Variants in CRTC3 observed in about 807,000 individuals in gnomAD.
CRTC3 encodes the protein CREB regulated transcription coactivator 3.
A neutral mutation model predicts 74.5 loss-of-function variants in CRTC3; 26 were observed. The ratio of observed to expected loss-of-function variants is 0.35; its 90% CI spans 0.26 to 0.48. The LOEUF is 0.48. CRTC3 is among the 20% of genes least tolerant of loss of function. The pLI, the probability that CRTC3 is intolerant of heterozygous loss-of-function variation, is 0.99. For missense variants in CRTC3, 760 were observed against 787.3 expected (o/e 0.97, Z 0.41); for synonymous variants, 377 against 325.8 (o/e 1.16, Z -1.69).
chr15:90,641,077 A>G lies in CRTC3; in HGVS notation c.1549-20A>G. On this transcript the variant is annotated intron_variant, in intron 13 of 14. Coordinates refer to ENST00000268184, the MANE Select transcript of CRTC3 (RefSeq NM_022769.5). ...GAAACAGAGGTGTGGCCTTCCTCAC[A>G]TGACCTTCGATGCTTCCAGGTGCCT... 1.3e-6 allele frequency: 2 copies of G among 1,556,634 alleles called. No homozygotes were observed. Among genetic ancestry groups the G allele is most frequent in the Non-Finnish European group, 1.8e-6 (2 of 1,128,014 alleles).
intron 9 of CRTC3, 38 bp downstream of exon 9, chr15:90,619,828 T>C (rs1968594626): frequency 1.9e-6 from 3 of 1,547,192 alleles, no homozygotes; most frequent in African/African-American, 1.4e-5. Context: ...TCAGGGACTA[T>C]CCTGAAGGTT....
At chr15:90,589,775 T>C (rs1967756799) in intron 2 of CRTC3, among the ~76,000 whole-genome samples, 1 of 152,116 alleles carries the variant, frequency 6.6e-6, no homozygotes, top group African/African-American at 2.4e-5. Context: ...TCACTTGAGG[T>C]CAGGAGTTCA....
In CRTC3 at chr15:90,642,381, G is replaced by T; in HGVS notation, c.*241G>T. The T allele has an allele frequency of 1.8e-6, 1 of 549,304 alleles. No homozygotes were observed. Among genetic ancestry groups the T allele is most frequent in the Admixed American group, 3.1e-5 (1 of 32,160 alleles). The allele number at this position is 549,304 out of a possible 1,614,324, so 34.0% of individuals were successfully genotyped here. ...TGTTGCAGCAGGCAGGCTGCTTGGA[G>T]CTTCCCATGAACTGGAAAGCTCACC... On this transcript the variant is annotated 3_prime_UTR_variant, in exon 15 of 15. Transcript: ENST00000268184.
chr15:90,559,864 A>G (rs11635656), intron 2 of CRTC3, among the ~76,000 whole-genome samples: 102,473 of 152,122 alleles, frequency 0.67, 35,858 homozygotes, highest in Non-Finnish European at 0.77. Context: ...GTTGGTCTCG[A>G]ACTCCTGGGT....
chr15:90,642,217 C>T lies in CRTC3; in HGVS notation c.*77C>T. Reference sequence around the variant, plus strand: ...TGGAATAGAATGAAGCCAGCTGATACCACGGGCTTTCGTTATCTTGACATA... The same window carrying T: ...TGGAATAGAATGAAGCCAGCTGATATCACGGGCTTTCGTTATCTTGACATA... On this transcript the variant is annotated 3_prime_UTR_variant, in exon 15 of 15. Transcript: ENST00000268184. 7.9e-7 allele frequency: 1 copy of T among 1,271,270 alleles called. No individual in the cohort carries two copies. The highest frequency in any genetic ancestry group is 1.8e-5 in the Admixed American group (1 of 54,824). 78.7% of individuals were successfully genotyped at this position (1,271,270 alleles called of 1,614,324 possible). A position where few individuals can be genotyped will look rare whatever the true frequency, so the allele number is the denominator to read the frequency against.
chr15:90,540,325 T>G (rs981559750), intron 2 of CRTC3, among the ~76,000 whole-genome samples, 188 bp downstream of exon 2: 1 of 152,242 alleles, frequency 6.6e-6, no homozygotes, highest in Admixed American at 6.5e-5. Context: ...CACAAATGGC[T>G]GAAGGCAGCA....
intron 5 of CRTC3, chr15:90,607,010 A>G (rs1025572798): frequency 1.8e-5 from 3 of 167,434 alleles, no homozygotes; most frequent in Non-Finnish European, 3.8e-5. Context: ...AGCTACTCTC[A>G]GGTGGAGAAA....
intron 2 of CRTC3, among the ~76,000 whole-genome samples, chr15:90,550,284 C>T (rs532476441): frequency 6.6e-5 from 10 of 151,638 alleles, no homozygotes; most frequent in East Asian, 2.0e-4. Context: ...CAAAATTAGC[C>T]GGGCATGGTG....
intron 11 of CRTC3, among the ~76,000 whole-genome samples, chr15:90,631,310 G>A (rs963033713): frequency 8.5e-5 from 13 of 152,148 alleles, no homozygotes; most frequent in South Asian, 4.1e-4. Context: ...GCACGATCGC[G>A]GCTCCCTTGC....
At position 90,644,588 on chromosome 15, in the gene CRTC3, G is replaced by C. The variant is rs1329755863; in HGVS notation, c.*2448G>C. 1 of 232,564 alleles carries C rather than the reference G, an allele frequency of 4.3e-6. No homozygotes were observed. The allele number at this position is 232,564 out of a possible 1,614,324, so 14.4% of individuals were successfully genotyped here. ...GATTTATTGGGGGTGTACACTGGGGGCAATATGGTTTAGCACTGAATTCAA... is the reference window on the plus strand; with the variant it reads ...GATTTATTGGGGGTGTACACTGGGGCCAATATGGTTTAGCACTGAATTCAA... On this transcript the variant is annotated 3_prime_UTR_variant, in exon 15 of 15. Coordinates refer to ENST00000268184, the MANE Select transcript of CRTC3 (RefSeq NM_022769.5).
intron 6 of CRTC3, among the ~76,000 whole-genome samples, chr15:90,610,830 C>T (rs1968338990): frequency 6.6e-6 from 1 of 152,128 alleles, no homozygotes; most frequent in South Asian, 2.1e-4. Context: ...GTGGTCTCTT[C>T]CTTTCAGGGA....
intron 11 of CRTC3, among the ~76,000 whole-genome samples, chr15:90,630,755 C>CTTTTTTTTTT (rs1290271902): frequency 2.7e-5 from 1 of 37,522 alleles, no homozygotes; most frequent in African/African-American, 7.6e-5. Flanking sequence ...ATTACAGCAT[C>CTTTTTTTTTT]ATTTTTTTTT....
Position 90,619,950 on chromosome 15 carries a change from C to T in CRTC3, c.749+160C>T. 3 of 626,582 alleles carry T rather than the reference C, an allele frequency of 4.8e-6. No homozygotes were observed. The South Asian group carries it at 5.9e-5, about 12-fold the overall frequency. The allele number at this position is 626,582 out of a possible 1,614,324, so 38.8% of individuals were successfully genotyped here. A position where few individuals can be genotyped will look rare whatever the true frequency, so the allele number is the denominator to read the frequency against. On this transcript the variant is annotated intron_variant, in intron 9 of 14. Transcript: ENST00000268184. Reference sequence around the variant, plus strand: ...AAAACAGCCACTCTCTTTTGATACTCATATTTCATCTGTTTAAACTAATTA... The same window carrying T: ...AAAACAGCCACTCTCTTTTGATACTTATATTTCATCTGTTTAAACTAATTA...
chr15:90,582,232 C>T (rs887186952), intron 2 of CRTC3, among the ~76,000 whole-genome samples: 1 of 152,226 alleles, frequency 6.6e-6, no homozygotes, highest in Non-Finnish European at 1.5e-5. Flanking sequence ...CTACACTCAA[C>T]GGAAGGCCTC....
At position 90,638,461 on chromosome 15, in the gene CRTC3, C is replaced by T. The variant is rs1278950091; in HGVS notation, c.1282C>T (p.Arg428Ter). The change falls in exon 12 of 15, where the codon CGA (arginine) becomes TGA (stop). Residue 428 changes from arginine (R) to a stop codon, truncating the protein, a stop_gained. Coordinates refer to ENST00000268184, the MANE Select transcript of CRTC3 (RefSeq NM_022769.5). LOFTEE classifies it high-confidence loss of function. ...TGTTTTGCAGATGGTGTCCTCAGAC[C>T]GAAGCCAACTTTCCTTTCTGCCCAC... ...YPTSQMVSSD[R>*]SQLSFLPTEA... 1.9e-6 allele frequency: 3 copies of T among 1,614,012 alleles called. No individual in the cohort carries two copies. Among genetic ancestry groups the T allele is most frequent in the South Asian group, 1.1e-5 (1 of 91,062 alleles).
At chr15:90,603,707 T>C (rs1215254307) in intron 4 of CRTC3, among the ~76,000 whole-genome samples, 1 of 152,116 alleles carries the variant, frequency 6.6e-6, no homozygotes, top group Non-Finnish European at 1.5e-5. Context: ...TCAAAAATAT[T>C]TAGCTCTCCG....
chr15:90,541,569 G>A (rs1966802166), intron 2 of CRTC3, among the ~76,000 whole-genome samples: 1 of 151,928 alleles, frequency 6.6e-6, no homozygotes, highest in Non-Finnish European at 1.5e-5. Context: ...TTAACCCACT[G>A]GGTTATTTAG....
In CRTC3 at chr15:90,641,960, C is replaced by G; in HGVS notation, c.1680C>G (p.Asp560Glu). 1 of 1,613,738 alleles carries G rather than the reference C, an allele frequency of 6.2e-7. No homozygotes were observed. Among genetic ancestry groups the G allele is most frequent in the Non-Finnish European group, 8.5e-7 (1 of 1,179,894 alleles). Residue 560 changes from aspartate to glutamate, a missense_variant, in exon 15 of 15, where the codon GAC becomes GAG. Coordinates refer to ENST00000268184, the MANE Select transcript of CRTC3 (RefSeq NM_022769.5). ...PEDSSTSLFK[D>E]LNSALAGLPE... ...ACTCCAGCACCAGCCTGTTCAAAGA[C>G]CTCAACAGTGCGCTGGCAGGCCTGC...
chr15:90,616,750 C>T (rs1237964992), intron 7 of CRTC3, among the ~76,000 whole-genome samples: 8 of 152,300 alleles, frequency 5.3e-5, no homozygotes, highest in South Asian at 4.1e-4. Flanking sequence ...TTACCTGGCA[C>T]GACTGAGAGA....
Sources: allele counts gnomAD v4.1 joint callset (sites outside exome capture counted in the v4.1 genomes callset), GRCh38; gene constraint gnomAD v4.1.1; transcripts MANE v1.5; gene names NCBI Gene and HGNC (gene_info 2026-07-23, HGNC 2026-07-21).